CECR2: variants seen among roughly 807,000 people sequenced by gnomAD.
CECR2 encodes the protein chromatin remodeling regulator CECR2.
In CECR2, 30 loss-of-function variants were observed where a neutral mutation model predicts 154.5. The ratio of observed to expected loss-of-function variants is 0.19; its 90% CI spans 0.15 to 0.26. The LOEUF (loss-of-function observed/expected upper bound fraction) is 0.26. CECR2 is among the 10% of genes least tolerant of loss of function. The pLI, the probability that CECR2 is intolerant of heterozygous loss-of-function variation, is 1.00. For missense variants in CECR2, 1,743 were observed against 1,829.3 expected, an observed-to-expected ratio of 0.95 and a Z score of 0.86; for synonymous variants, 725 against 683.7, an observed-to-expected ratio of 1.06 and a Z score of -0.94.
intron 9 of CECR2, among the ~76,000 whole-genome samples, chr22:17,529,209 G>T (rs2056313414): frequency 1.3e-5 from 2 of 152,352 alleles, no homozygotes; most frequent in East Asian, 3.9e-4. Context: ...AGGCACGGAG[G>T]CAGGGATATG....
In CECR2 at chr22:17,542,140, C is replaced by G; in HGVS notation, c.2014-17C>G. The G allele has an allele frequency of 6.2e-7, 1 of 1,604,984 alleles. No homozygotes were observed. On this transcript the variant is annotated splice_polypyrimidine_tract_variant and intron_variant, in intron 15 of 18. Transcript: ENST00000262608. Reference sequence around the variant, plus strand: ...ATTCTGTGAGTCTGTAACTGTGCTGCCTTTTCTCGTTGCCAGCCTCCAGTT... The same window carrying G: ...ATTCTGTGAGTCTGTAACTGTGCTGGCTTTTCTCGTTGCCAGCCTCCAGTT...
At chr22:17,437,126 C>T (rs1302639868) in intron 1 of CECR2, among the ~76,000 whole-genome samples, 3 of 152,098 alleles carry the variant, frequency 2.0e-5, no homozygotes, top group Non-Finnish European at 4.4e-5. Flanking sequence ...GTGTTTGTTT[C>T]TAGTTCTCTG....
In CECR2 at chr22:17,511,829, G is replaced by A. The variant is rs149739505; in HGVS notation, c.887G>A (p.Arg296His). 1.5e-4 allele frequency: 234 copies of A among 1,612,000 alleles called. No homozygotes were observed. The East Asian group carries it at 2.5e-3, about 17-fold the overall frequency. ...TAACTATAGGGAAAACGTCCACAGCGCACAAAGGCAGAGTTGCATCCTAGG... is the reference window on the plus strand; with the variant it reads ...TAACTATAGGGAAAACGTCCACAGCACACAAAGGCAGAGTTGCATCCTAGG... ...MIAQKGKRPQ[R>H]TKAELHPRWM... The change falls in exon 8 of 19, where the codon CGC (arginine) becomes CAC (histidine). Residue 296 changes from arginine to histidine, a missense_variant. By Grantham distance (29) the Arg-to-His change is conservative (BLOSUM62 0). Coordinates refer to ENST00000262608, the MANE Select transcript of CECR2 (RefSeq NM_001290047.2).
intron 1 of CECR2, among the ~76,000 whole-genome samples, chr22:17,451,944 T>C (rs969200166): frequency 2.0e-5 from 3 of 152,208 alleles, no homozygotes; most frequent in African/African-American, 7.2e-5. Context: ...TTGAGGCCTG[T>C]TAGTGGACTG....
chr22:17,460,258 G>A (rs1217744565), intron 1 of CECR2, among the ~76,000 whole-genome samples: 1 of 152,140 alleles, frequency 6.6e-6, no homozygotes, highest in Non-Finnish European at 1.5e-5. Context: ...CACCCAGAAT[G>A]GAGGACAATG....
chr22:17,460,060 G>A (rs1031733601), intron 1 of CECR2, among the ~76,000 whole-genome samples: 1 of 152,018 alleles, frequency 6.6e-6, no homozygotes, highest in Non-Finnish European at 1.5e-5. Context: ...CTACATATTC[G>A]TGTAACCATG....
intron 2 of CECR2, among the ~76,000 whole-genome samples, chr22:17,495,602 C>G (rs543041708): frequency 6.8e-6 from 1 of 147,336 alleles, no homozygotes; most frequent in South Asian, 2.2e-4. Context: ...GTGGCTCACG[C>G]CTGTAATCCC....
chr22:17,447,691 G>A (rs975706653), intron 1 of CECR2, among the ~76,000 whole-genome samples: 4 of 151,500 alleles, frequency 2.6e-5, no homozygotes, highest in African/African-American at 9.7e-5. Flanking sequence ...GGGGCGGTGG[G>A]GGGCTTTAGT....
chr22:17,508,725 G>C (rs888993760), intron 7 of CECR2, among the ~76,000 whole-genome samples: 1 of 152,100 alleles, frequency 6.6e-6, no homozygotes, highest in Non-Finnish European at 1.5e-5. Flanking sequence ...TCTAGTCCCT[G>C]AATTCTATAT....
chr22:17,398,866 C>T (rs2053851364), intron 1 of CECR2, among the ~76,000 whole-genome samples: 1 of 152,110 alleles, frequency 6.6e-6, no homozygotes, highest in African/African-American at 2.4e-5. Context: ...ATAATTGAGG[C>T]TCAGGGAGGC....
chr22:17,504,443 A>G (rs1325033243), intron 6 of CECR2, among the ~76,000 whole-genome samples: 2 of 150,950 alleles, frequency 1.3e-5, no homozygotes, highest in Non-Finnish European at 3.0e-5. Context: ...ATTTTTATTT[A>G]TTTATTTATT....
intron 6 of CECR2, 141 bp downstream of exon 6, chr22:17,503,272 TCTC>T (rs2055773007): frequency 2.5e-5 from 17 of 690,050 alleles, no homozygotes; most frequent in Non-Finnish European, 4.2e-5. Flanking sequence ...CTTCTTCAGT[TCTC>T]CTCCTCACAC....
rs563896988 is a variant in CECR2 at position 17,488,885 on chromosome 22, A to G, written c.222-8518A>G. ...TGAAATTATTTTCCAAACACTTGCA[A>G]CATTTACGTTTCCACCAGCAATATC... On this transcript the variant is annotated intron_variant, in intron 2 of 18. Transcript: ENST00000262608. Among the ~76,000 whole-genome samples the G allele has an allele frequency of 7.3e-4, 111 of 152,338 alleles. 1 individual carries two copies. Among genetic ancestry groups the G allele is most frequent in the African/African-American group, 2.6e-3 (109 of 41,584 alleles).
chr22:17,386,060 C>A (rs115814065), intron 1 of CECR2, among the ~76,000 whole-genome samples: 227 of 152,286 alleles, frequency 1.5e-3, no homozygotes, highest in African/African-American at 5.2e-3. Context: ...CCAGGCAGCC[C>A]CATGGTAGGT....
Position 17,380,317 on chromosome 22 carries a change from AC to A in CECR2, c.126+10409del, listed in dbSNP as rs540270538. On this transcript the variant is annotated intron_variant, in intron 1 of 18. Coordinates refer to ENST00000262608, the MANE Select transcript of CECR2 (RefSeq NM_001290047.2). The stretch of plus-strand genomic sequence containing the variant: ...CTTCGTTAGCCATACACTCATTTAA[AC>A]TGTAATATGGTTTATGCAAAAATAT... 1.3e-3 allele frequency among the ~76,000 whole-genome samples: 204 copies of A among 152,304 alleles called. 3 individuals are homozygous for A. Among genetic ancestry groups the A allele is most frequent in the Admixed American group, 0.012 (185 of 15,280 alleles).
At chr22:17,463,750 T>TG (rs916583442) in intron 1 of CECR2, among the ~76,000 whole-genome samples, 20 of 148,698 alleles carry the variant, frequency 1.3e-4, no homozygotes, top group African/African-American at 3.7e-4. Context: ...TGAGGAGAGG[T>TG]GGGGGGGTGT....
chr22:17,378,452 A>G (rs1247922931), intron 1 of CECR2, among the ~76,000 whole-genome samples: 2 of 150,634 alleles, frequency 1.3e-5, no homozygotes, highest in Non-Finnish European at 3.0e-5. Context: ...GCCCACCACC[A>G]CGCCTGGCTA....
chr22:17,530,746 AAGG>A (rs958267163), intron 9 of CECR2, among the ~76,000 whole-genome samples: 13 of 152,140 alleles, frequency 8.5e-5, no homozygotes, highest in Admixed American at 2.0e-4. Flanking sequence ...CAGTGGATAA[AAGG>A]AGAACCTGAA....
chr22:17,385,889 A>C (rs2063253536), intron 1 of CECR2, among the ~76,000 whole-genome samples: 2 of 152,208 alleles, frequency 1.3e-5, no homozygotes, highest in Admixed American at 1.3e-4. Context: ...GGTGCTATTG[A>C]AGAAAGAGTA....
Sources: allele counts gnomAD v4.1 joint callset (sites outside exome capture counted in the v4.1 genomes callset), GRCh38; gene constraint gnomAD v4.1.1; transcripts MANE v1.5; gene names NCBI Gene and HGNC (gene_info 2026-07-23, HGNC 2026-07-21).